The following PALLD variants were observed in gnomAD, a reference collection of about 807,000 sequenced individuals.
PALLD encodes the protein palladin.
In PALLD, 61 loss-of-function variants were observed where a neutral mutation model predicts 123.5. That is an observed-to-expected ratio of 0.49 (90% confidence interval 0.40 to 0.61). PALLD has a LOEUF of 0.61. Among genes scored for constraint, PALLD ranks in the 20% least tolerant of loss-of-function variants. PALLD has a pLI of 0.00. For synonymous variants in PALLD, 465 were observed against 496.4 expected (o/e 0.94, Z 0.84); for missense variants, 1,273 against 1,377.0 (o/e 0.92, Z 1.20).
intron 10 of PALLD, among the ~76,000 whole-genome samples, chr4:168,733,724 G>T (rs1787404875): frequency 6.6e-6 from 1 of 151,398 alleles, no homozygotes; most frequent in Non-Finnish European, 1.5e-5. Flanking sequence ...GTTTTTTGTT[G>T]TTGTTGTTGG....
chr4:168,866,554 G>C (rs1171555289), intron 10 of PALLD, among the ~76,000 whole-genome samples: 1 of 152,094 alleles, frequency 6.6e-6, no homozygotes, highest in Non-Finnish European at 1.5e-5. Flanking sequence ...TCATCTTCCT[G>C]TTCACATTTT....
intron 6 of PALLD, among the ~76,000 whole-genome samples, chr4:168,690,114 A>G (rs1296454054): frequency 6.6e-6 from 1 of 152,252 alleles, no homozygotes; most frequent in African/African-American, 2.4e-5. Context: ...AACTTGACAT[A>G]GGAAACTAGT....
intron 2 of PALLD, among the ~76,000 whole-genome samples, chr4:168,597,036 A>T (rs1388149859): frequency 6.6e-6 from 1 of 152,116 alleles, no homozygotes; most frequent in African/African-American, 2.4e-5. Context: ...AGAATCAACA[A>T]ATAATTGAGA....
rs573996875 is a variant in PALLD, at chr4:168,905,437, T to C, written c.2622+1531T>C. Reference sequence around the variant, plus strand: ...TGTTAGCATTACAGGTGTGAGGCACTGCACCCGGCCTGAGACTCTGTTTCT... The same window carrying C: ...TGTTAGCATTACAGGTGTGAGGCACCGCACCCGGCCTGAGACTCTGTTTCT... On this transcript the variant is annotated intron_variant, in intron 15 of 21. Transcript: ENST00000505667. Among the ~76,000 whole-genome samples the C allele has an allele frequency of 8.5e-5, 13 of 152,088 alleles. No homozygotes were observed. In the East Asian group the frequency reaches 2.3e-3, roughly 27 times the overall value.
chr4:168,913,990 C>T lies in PALLD; in HGVS notation c.2686C>T (p.Arg896Trp), dbSNP rs772889018. ...QAVNQRGRSP[R>W]SPSGHPHVRR... ...TGTCAACCAAAGAGGTCGAAGTCCC[C>T]GGTCTCCCTCAGGCCATCCTCATGT... is the stretch of plus-strand genomic sequence containing the variant. The change falls in exon 16 of 22, where the codon CGG (arginine) becomes TGG (tryptophan). Residue 896 changes from arginine (R) to tryptophan (W), a missense_variant. By Grantham distance (101) the Arg-to-Trp change is moderately radical. Around this residue, in one of 2 missense-constraint regions of PALLD, gnomAD observed 329 missense variants for 422.5 expected, o/e 0.78. Coordinates refer to ENST00000505667, the MANE Select transcript of PALLD (RefSeq NM_001166108.2). The T allele has an allele frequency of 3.7e-6, 6 of 1,610,314 alleles. No homozygotes were observed. Among genetic ancestry groups the T allele is most frequent in the African/African-American group, 1.3e-5 (1 of 74,950 alleles).
intron 2 of PALLD, among the ~76,000 whole-genome samples, chr4:168,551,085 G>A (rs1339976935): frequency 6.6e-6 from 1 of 152,060 alleles, no homozygotes; most frequent in South Asian, 2.1e-4. Flanking sequence ...TTATACCCCT[G>A]AAAGACTTAT....
intron 10 of PALLD, among the ~76,000 whole-genome samples, chr4:168,777,180 A>G (rs996180729): frequency 6.6e-6 from 1 of 152,196 alleles, no homozygotes; most frequent in Non-Finnish European, 1.5e-5. Context: ...TAGGAGAGAC[A>G]GGCCACAGGA....
intron 2 of PALLD, among the ~76,000 whole-genome samples, chr4:168,547,818 C>G (rs1025707641): frequency 6.6e-6 from 1 of 151,732 alleles, no homozygotes; most frequent in African/African-American, 2.4e-5. Context: ...TGGTGGCGTG[C>G]GCCTGTAGTC....
intron 10 of PALLD, among the ~76,000 whole-genome samples, chr4:168,862,391 C>T (rs1376869350): frequency 6.6e-6 from 1 of 152,052 alleles, no homozygotes; most frequent in Non-Finnish European, 1.5e-5. Flanking sequence ...AAGTGATCCT[C>T]CCACCTCAAC....
intron 10 of PALLD, among the ~76,000 whole-genome samples, chr4:168,764,826 C>A (rs1733443533): frequency 6.6e-6 from 1 of 152,150 alleles, no homozygotes; most frequent in Non-Finnish European, 1.5e-5. Flanking sequence ...TCCCGCACCT[C>A]TCTTGGCTCC....
chr4:168,610,674 CG>C (rs1349793849), intron 2 of PALLD, among the ~76,000 whole-genome samples: 1 of 150,470 alleles, frequency 6.6e-6, no homozygotes, highest in African/African-American at 2.5e-5. Context: ...AACTTCCATT[CG>C]GGGCCAGCAC....
intron 2 of PALLD, among the ~76,000 whole-genome samples, chr4:168,604,396 A>G (rs1772962502): frequency 6.6e-6 from 1 of 152,192 alleles, no homozygotes; most frequent in Non-Finnish European, 1.5e-5. Context: ...CACCCAGAAA[A>G]ATCTCATAAA....
chr4:168,878,093 C>T lies in PALLD; in HGVS notation c.1965-12829C>T, dbSNP rs1346410674. 2.1e-6 allele frequency: 3 copies of T among 1,444,394 alleles called. No individual in the cohort carries two copies. The highest frequency in any genetic ancestry group is 2.7e-6 in the Non-Finnish European group (3 of 1,107,616). 89.5% of individuals were successfully genotyped at this position (1,444,394 alleles called of 1,614,324 possible). ...GCAGTTCGGCCGCGCCCCCGTGCCGCCCTTCGCGCAGCCCTTCGGCGCTGA... is the reference window on the plus strand; with the variant it reads ...GCAGTTCGGCCGCGCCCCCGTGCCGTCCTTCGCGCAGCCCTTCGGCGCTGA... On this transcript the variant is annotated intron_variant, in intron 10 of 21. Transcript: ENST00000505667.
chr4:168,735,478 T>G (rs10434312), intron 10 of PALLD, among the ~76,000 whole-genome samples: 6,757 of 152,330 alleles, frequency 0.044, 499 homozygotes, highest in East Asian at 0.31. Context: ...CACATTCTTA[T>G]GCTCTCTGAG....
intron 2 of PALLD, among the ~76,000 whole-genome samples, chr4:168,624,357 A>C (rs1775041653): frequency 1.3e-5 from 2 of 152,202 alleles, no homozygotes. Flanking sequence ...AAGATACCAA[A>C]AAGAGCATTT....
intron 10 of PALLD, among the ~76,000 whole-genome samples, chr4:168,724,277 A>G (rs1466492141): frequency 3.9e-5 from 6 of 152,214 alleles, no homozygotes; most frequent in Non-Finnish European, 8.8e-5. Context: ...ATTTTTGTCT[A>G]CTACAGGCTG....
intron 2 of PALLD, among the ~76,000 whole-genome samples, chr4:168,667,481 G>T (rs532212177): frequency 1.3e-5 from 2 of 152,188 alleles, no homozygotes; most frequent in African/African-American, 4.8e-5. Context: ...AATTTGAGGT[G>T]CTGGGGGAAG....
At position 168,543,166 on chromosome 4, in the gene PALLD, G is replaced by A. The variant is rs577927552; in HGVS notation, c.908+30754G>A. Among the ~76,000 whole-genome samples the A allele has an allele frequency of 3.3e-5, 5 of 152,178 alleles. No individual in the cohort carries two copies. In the South Asian group the frequency reaches 8.3e-4, roughly 25 times the overall value. On this transcript the variant is annotated intron_variant, in intron 2 of 21. Coordinates refer to ENST00000505667, the MANE Select transcript of PALLD (RefSeq NM_001166108.2). ...TAGCTCCATCATTTGCAAGCTGTGT[G>A]ACACTGAGAACGTCACTTGCCTTGT...
chr4:168,794,494 G>GCGCA (rs1554083954), intron 10 of PALLD, among the ~76,000 whole-genome samples: 9 of 135,758 alleles, frequency 6.6e-5, no homozygotes, highest in Admixed American at 1.5e-4. Context: ...ACACATGCAC[G>GCGCA]CACACACACA....
Sources: gnomAD v4.1 joint callset for allele counts (sites outside exome capture counted in the v4.1 genomes callset) on GRCh38, gnomAD v4.1.1 for gene constraint, gnomAD v4.1.1 regional missense constraint, MANE v1.5 for transcripts, NCBI Gene and HGNC (gene_info 2026-07-23, HGNC 2026-07-21) for gene names.